Variants in SMURF2 observed in about 807,000 individuals in gnomAD.
SMURF2 encodes SMAD specific E3 ubiquitin protein ligase 2.
SMURF2 carries 48 observed loss-of-function variants against 109.6 expected under a neutral mutation model. That is an observed-to-expected ratio of 0.44 (90% CI 0.35 to 0.56). The LOEUF (loss-of-function observed/expected upper bound fraction) is 0.56, where lower values mean the gene tolerates loss of function less well. Among genes scored for constraint, SMURF2 ranks in the 20% least tolerant of loss-of-function variants. The pLI is 0.01. For missense variants in SMURF2, 575 were observed against 909.0 expected (o/e 0.63, Z 4.72); for synonymous variants, 288 against 317.1 (o/e 0.91, Z 0.97).
chr17:64,618,497 T>C (rs1970155337), intron 1 of SMURF2, among the ~76,000 whole-genome samples: 1 of 152,196 alleles, frequency 6.6e-6, no homozygotes, highest in South Asian at 2.1e-4. Context: ...CCGTTCTCCA[T>C]TCAAAAATTC....
At position 64,647,275 on chromosome 17, in the gene SMURF2, G is replaced by GA. The variant is rs374786158; in HGVS notation, c.52+14553dup. ...ACTAAGCTGGAAATCAGAAGAAACT[G>GA]AAAAAAAAAGAAAAAAAAATCAGAA... is the stretch of plus-strand genomic sequence containing the variant. On this transcript the variant is annotated intron_variant, in intron 1 of 18. Transcript: ENST00000262435. 3.8e-3 allele frequency among the ~76,000 whole-genome samples: 552 copies of GA among 144,900 alleles called. 4 individuals are homozygous for GA. The highest frequency in any genetic ancestry group is 0.014 in the Middle Eastern group (4 of 286).
chr17:64,656,305 G>A (rs1163742117), intron 1 of SMURF2, among the ~76,000 whole-genome samples: 1 of 152,132 alleles, frequency 6.6e-6, no homozygotes, highest in African/African-American at 2.4e-5. Context: ...ATGACAACAG[G>A]TTAATATATT....
chr17:64,553,058 CA>C (rs1290941715), intron 15 of SMURF2, among the ~76,000 whole-genome samples: 1 of 151,890 alleles, frequency 6.6e-6, no homozygotes, highest in African/African-American at 2.4e-5. Flanking sequence ...ACGTATATAA[CA>C]AAAAAATCAA....
intron 1 of SMURF2, among the ~76,000 whole-genome samples, chr17:64,653,952 C>T (rs75427287): frequency 0.048 from 7,320 of 152,168 alleles, 300 homozygotes; most frequent in Admixed American, 0.14. Context: ...AAAAGCATTA[C>T]GCTAAAAGAA....
intron 7 of SMURF2, among the ~76,000 whole-genome samples, chr17:64,582,329 G>C (rs1204366760): frequency 6.6e-6 from 1 of 152,208 alleles, no homozygotes; most frequent in Non-Finnish European, 1.5e-5. Context: ...TCCTGCTCAA[G>C]AAGGGGAAAA....
intron 1 of SMURF2, among the ~76,000 whole-genome samples, chr17:64,647,574 C>T (rs935993870): frequency 2.6e-5 from 4 of 151,578 alleles, no homozygotes; most frequent in South Asian, 2.1e-4. Flanking sequence ...CCAGTTACTC[C>T]GGAGGCTGAT....
At chr17:64,607,996 C>CATAAATAAATAA (rs55747507) in intron 1 of SMURF2, among the ~76,000 whole-genome samples, 2,232 of 135,654 alleles carry the variant, frequency 0.016, 18 homozygotes, top group Admixed American at 0.017. Context: ...AAGACTCTGT[C>CATAAATAAATAA]ATAAATAAAT....
chr17:64,658,480 A>T (rs1318601903), intron 1 of SMURF2, among the ~76,000 whole-genome samples: 2 of 152,258 alleles, frequency 1.3e-5, no homozygotes, highest in South Asian at 4.1e-4. Flanking sequence ...ACGCTAGCAT[A>T]TCTAAAGGGA....
intron 2 of SMURF2, among the ~76,000 whole-genome samples, chr17:64,603,344 G>A (rs1969923115): frequency 1.3e-5 from 2 of 152,114 alleles, no homozygotes; most frequent in Admixed American, 1.3e-4. Flanking sequence ...CACTTTGAGA[G>A]GCCGAGGCAG....
At chr17:64,556,799 T>A (rs1183073992) in intron 13 of SMURF2, among the ~76,000 whole-genome samples, 2 of 152,234 alleles carry the variant, frequency 1.3e-5, no homozygotes, top group African/African-American at 4.8e-5. Context: ...TTAAATTCTT[T>A]TACCTCTCTA....
intron 1 of SMURF2, among the ~76,000 whole-genome samples, chr17:64,655,935 A>G (rs1970699516): frequency 6.6e-6 from 1 of 152,140 alleles, no homozygotes; most frequent in Non-Finnish European, 1.5e-5. Context: ...ACTAAATTAT[A>G]AAGCTACAAT....
chr17:64,557,440 G>A (rs1225883966), intron 13 of SMURF2, among the ~76,000 whole-genome samples, 168 bp downstream of exon 13: 1 of 152,136 alleles, frequency 6.6e-6, no homozygotes, highest in Non-Finnish European at 1.5e-5. Flanking sequence ...CCAAATTGGT[G>A]CATATATCCA....
chr17:64,612,468 G>T (rs1970058250), intron 1 of SMURF2, among the ~76,000 whole-genome samples: 1 of 149,970 alleles, frequency 6.7e-6, no homozygotes, highest in East Asian at 2.0e-4. Context: ...AGGAGTTTGA[G>T]ACCTGGGCAA....
chr17:64,606,532 A>C, intron 2 of SMURF2, 70 bp downstream of exon 2: 2 of 1,119,428 alleles, frequency 1.8e-6, no homozygotes, highest in Non-Finnish European at 2.6e-6. Context: ...CCCCTAAACC[A>C]GAGAATTCTG....
chr17:64,546,285 T>G lies in SMURF2; in HGVS notation c.2125A>C (p.Asn709His). The change falls in exon 18 of 19, where the codon AAC (asparagine) becomes CAC (histidine). Residue 709 changes from asparagine (N) to histidine (H), a missense_variant. This residue lies in a region of SMURF2 where 361 missense variants were observed against 612.1 expected (regional missense o/e 0.59). Transcript: ENST00000262435. ...TIHQIDACTN[N>H]LPKAHTCFNR... ...TACCAAGTGTGGGCTTTCGGCAGGTTGTTAGTGCAGGCATCAATCTGGTGT... is the reference window on the plus strand; with the variant it reads ...TACCAAGTGTGGGCTTTCGGCAGGTGGTTAGTGCAGGCATCAATCTGGTGT... 1 of 1,614,076 alleles carries G rather than the reference T, an allele frequency of 6.2e-7. No homozygotes were observed. The highest frequency in any genetic ancestry group is 8.5e-7 in the Non-Finnish European group (1 of 1,179,976).
chr17:64,599,484 G>A (rs1307140536), intron 2 of SMURF2, among the ~76,000 whole-genome samples: 4 of 152,194 alleles, frequency 2.6e-5, no homozygotes, highest in Admixed American at 6.5e-5. Flanking sequence ...TAAGGCAGGC[G>A]TCTCCAACCT....
intron 10 of SMURF2, among the ~76,000 whole-genome samples, chr17:64,563,379 T>C (rs2144607962): frequency 6.6e-6 from 1 of 152,340 alleles, no homozygotes; most frequent in African/African-American, 2.4e-5. Flanking sequence ...CCCTTCTTTT[T>C]ATACACCAGG....
chr17:64,602,695 G>A (rs1555688684), intron 2 of SMURF2, among the ~76,000 whole-genome samples: 3 of 152,146 alleles, frequency 2.0e-5, no homozygotes, highest in African/African-American at 4.8e-5. Flanking sequence ...TTGGGAGGCC[G>A]AAGTGGGTGG....
At position 64,545,807 on chromosome 17, in the gene SMURF2, G is replaced by T. The variant is rs1555683047; in HGVS notation, c.*41C>A. 8.8e-7 allele frequency: 1 copy of T among 1,141,150 alleles called. No individual in the cohort carries two copies. The highest frequency in any genetic ancestry group is 1.2e-5 in the South Asian group (1 of 80,714). The allele number at this position is 1,141,150 out of a possible 1,614,324, so 70.7% of individuals were successfully genotyped here. On this transcript the variant is annotated 3_prime_UTR_variant, in exon 19 of 19. Transcript: ENST00000262435. ...TCTGCTGAAAGGAGGCTGTCAGTCA[G>T]GGTTGTATAAATAGAGTCCTGGGTA...
Sources: gnomAD v4.1 joint callset for allele counts (sites outside exome capture counted in the v4.1 genomes callset) on GRCh38, gnomAD v4.1.1 for gene constraint, gnomAD v4.1.1 regional missense constraint, MANE v1.5 for transcripts, NCBI Gene and HGNC (gene_info 2026-07-23, HGNC 2026-07-21) for gene names.